RORC: variants seen among roughly 807,000 people sequenced by gnomAD.
RORC encodes nuclear receptor ROR-gamma.
Under a neutral mutation model 64.5 loss-of-function variants are expected in RORC, and 13 were observed. That is an observed-to-expected ratio of 0.20 (90% CI 0.13 to 0.32). The LOEUF (loss-of-function observed/expected upper bound fraction) is 0.32, where lower values mean the gene tolerates loss of function less well. Ranked by LOEUF, RORC falls within the 10% of genes least tolerant of loss-of-function variation. The probability of loss-of-function intolerance (pLI) is 1.00; values close to 1 mark genes in which losing one functional copy is unlikely to be tolerated. For synonymous variants in RORC, 277 were observed against 259.3 expected (o/e 1.07, Z -0.65); for missense variants, 468 against 669.5 (o/e 0.70, Z 3.32).
chr1:151,811,397 C>G lies in RORC; in HGVS notation c.1323G>C (p.Gln441His). 6.2e-7 allele frequency: 1 copy of G among 1,614,016 alleles called. No individual in the cohort carries two copies. The highest frequency in any genetic ancestry group is 1.3e-5 in the African/African-American group (1 of 75,048). The change falls in exon 10 of 11, where the codon CAG becomes CAC. Residue 441 changes from glutamine (Q) to histidine (H), a missense_variant. Physicochemically the swap from Gln to His is conservative, Grantham distance 24. Coordinates refer to ENST00000318247, the MANE Select transcript of RORC (RefSeq NM_005060.4). ...PGLQEKRKVE[Q>H]LQYNLELAFH... is the part of the protein sequence containing the mutation. ...AGGCCAGCTCCAGATTGTACTGCAG[C>G]TGTTCTACTTTCCTTTTCTCTTGGA...
At chr1:151,814,467 G>T in intron 6 of RORC, 107 bp downstream of exon 6, 11 of 1,235,880 alleles carry the variant, frequency 8.9e-6, no homozygotes, top group Non-Finnish European at 1.1e-5. Flanking sequence ...GCCTGTGTCT[G>T]TGATGTCCCG....
intron 10 of RORC, among the ~76,000 whole-genome samples, chr1:151,810,583 G>A (rs1274401023): frequency 2.0e-5 from 3 of 149,762 alleles, no homozygotes; most frequent in African/African-American, 7.4e-5. Flanking sequence ...CCAGGCTGGA[G>A]TGCAATGGCA....
At chr1:151,829,195 T>C (rs1652312635) in intron 2 of RORC, among the ~76,000 whole-genome samples, 1 of 150,792 alleles carries the variant, frequency 6.6e-6, no homozygotes, top group South Asian at 2.1e-4. Flanking sequence ...TTTTCCTTTG[T>C]TCTCTCCTGG....
intron 10 of RORC, among the ~76,000 whole-genome samples, chr1:151,811,110 TCCC>T (rs1651505415): frequency 6.6e-6 from 1 of 151,974 alleles, no homozygotes; most frequent in African/African-American, 2.4e-5. Context: ...TCCCTGGAGG[TCCC>T]TCCCAATCCC....
chr1:151,831,566 T>A, intron 1 of RORC, 159 bp downstream of exon 1: 1 of 818,080 alleles, frequency 1.2e-6, no homozygotes, highest in Non-Finnish European at 1.5e-6. Flanking sequence ...TCCTCCTGTT[T>A]CTCCTCCAGT....
At chr1:151,813,858 GTA>G in intron 6 of RORC, 1 of 519,370 alleles carries the variant, frequency 1.9e-6, no homozygotes, top group Non-Finnish European at 3.5e-6. Flanking sequence ...AATCCAAAAA[GTA>G]TGAGATACAG....
rs533315081 is a variant in RORC at position 151,828,772 on chromosome 1, A to C, written c.70+657T>G. 3.3e-5 allele frequency among the ~76,000 whole-genome samples: 5 copies of C among 152,234 alleles called. No homozygotes were observed. In the South Asian group the frequency reaches 1.0e-3, roughly 32 times the overall value. ...GAGAGGGGTGGATCACAAGGTCAAGAGTCTGAGACCAGCCTGACCAACATG... is the reference window on the plus strand; with the variant it reads ...GAGAGGGGTGGATCACAAGGTCAAGCGTCTGAGACCAGCCTGACCAACATG... On this transcript the variant is annotated intron_variant, in intron 2 of 10. Coordinates refer to ENST00000318247, the MANE Select transcript of RORC (RefSeq NM_005060.4).
intron 5 of RORC, 42 bp downstream of exon 5, chr1:151,814,871 T>G: frequency 6.3e-7 from 1 of 1,588,562 alleles, no homozygotes; most frequent in South Asian, 1.2e-5. Context: ...TGGAAACCCC[T>G]CCCTCATCTC....
In RORC at chr1:151,830,659, C is replaced by CACACACACACACACAA; in HGVS notation, c.40+1065_40+1066insTTGTGTGTGTGTGTGT. On this transcript the variant is annotated intron_variant, in intron 1 of 10. Transcript: ENST00000318247. This position sits in a 1 kb window ranked among gnomAD's most constrained non-coding sequence, Gnocchi z 4.0. ...ACACACACACACACACACACACACA[C>CACACACACACACACAA]ACAGTGCCCTTCTGCCCGGGAGATG... Among the ~76,000 whole-genome samples, 2 of 139,156 alleles carry CACACACACACACACAA rather than the reference C, an allele frequency of 1.4e-5. No individual in the cohort carries two copies. Among genetic ancestry groups the CACACACACACACACAA allele is most frequent in the South Asian group, 2.4e-4 (1 of 4,218 alleles). 91.3% of individuals were successfully genotyped at this position (139,156 alleles called of 152,430 possible).
At position 151,830,752 on chromosome 1, in the gene RORC, T is replaced by C. The variant is rs1652379337; in HGVS notation, c.40+973A>G. ...AGTGGCCTGATGGCCTGGGCTCTGC[T>C]GGGGTGAGGGAGGAGAAAAGACTGC... On this transcript the variant is annotated intron_variant, in intron 1 of 10. Transcript: ENST00000318247. The surrounding 1 kb of genome is among the most constrained non-coding windows in gnomAD (Gnocchi z 4.0). Among the ~76,000 whole-genome samples the C allele has an allele frequency of 6.6e-6, 1 of 152,044 alleles. No individual in the cohort carries two copies. The highest frequency in any genetic ancestry group is 2.4e-5 in the African/African-American group (1 of 41,406).
In RORC at chr1:151,814,593, A is replaced by G; in HGVS notation, c.914T>C (p.Val305Ala). Residue 305 changes from valine to alanine, a missense_variant, in exon 6 of 11, where the codon GTG becomes GCG. This residue lies in a region of RORC where 100 missense variants were observed against 190.8 expected (regional missense o/e 0.52). Coordinates refer to ENST00000318247, the MANE Select transcript of RORC (RefSeq NM_005060.4). ...CCTCACCTTCCTCTGGTAGCCAGTC[A>G]CTTCCTCCCGGGAGAAGATGTTGGA... Reference protein sequence around the residue: ...QRSNIFSREEVTGYQRKSMWE... With the variant: ...QRSNIFSREEATGYQRKSMWE... The G allele has an allele frequency of 6.2e-7, 1 of 1,612,462 alleles. No individual in the cohort carries two copies.
In RORC at chr1:151,830,621, T is replaced by TACAC. The variant is rs1553293049; in HGVS notation, c.40+1100_40+1103dup. The stretch of plus-strand genomic sequence containing the variant: ...TGCTGTTCAGTCTTGACACCTGACA[T>TACAC]ACACACACACACACACACACACACA... On this transcript the variant is annotated intron_variant, in intron 1 of 10. Coordinates refer to ENST00000318247, the MANE Select transcript of RORC (RefSeq NM_005060.4). The surrounding 1 kb of genome is among the most constrained non-coding windows in gnomAD (Gnocchi z 4.0). Among the ~76,000 whole-genome samples, 1,691 of 57,150 alleles carry TACAC rather than the reference T, an allele frequency of 0.03. 47 individuals carry two copies. Among genetic ancestry groups the TACAC allele is most frequent in the African/African-American group, 0.065 (1,542 of 23,592 alleles). The allele number at this position is 57,150 out of a possible 152,430, so 37.5% of individuals were successfully genotyped here.
At chr1:151,828,475 A>G (rs932312029) in intron 2 of RORC, among the ~76,000 whole-genome samples, 3 of 152,160 alleles carry the variant, frequency 2.0e-5, no homozygotes, top group Admixed American at 1.3e-4. Flanking sequence ...ACTAGCGTCC[A>G]CTGGGAAGTC....
intron 2 of RORC, among the ~76,000 whole-genome samples, chr1:151,828,639 G>A (rs1476794711): frequency 6.6e-6 from 1 of 152,128 alleles, no homozygotes; most frequent in African/African-American, 2.4e-5. Context: ...TCACACCTCA[G>A]GATGTGTTAA....
In RORC at chr1:151,825,516, GAGGGAAACACCGTAACA is replaced by G. The variant is rs1353891472; in HGVS notation, c.70+3896_70+3912del. On this transcript the variant is annotated intron_variant, in intron 2 of 10. Transcript: ENST00000318247. ...TACTCACAAGCAGGCTGGAGGCACA[GAGGGAAACACCGTAACA>G]AGGGAAACACTGTAACAGGAGAGTG... Among the ~76,000 whole-genome samples, 770 of 152,246 alleles carry G rather than the reference GAGGGAAACACCGTAACA, an allele frequency of 5.1e-3. 2 individuals carry two copies. The highest frequency in any genetic ancestry group is 0.015 in the South Asian group (70 of 4,824).
intron 2 of RORC, among the ~76,000 whole-genome samples, chr1:151,826,376 C>T (rs1489319291): frequency 6.6e-6 from 1 of 152,204 alleles, no homozygotes; most frequent in Non-Finnish European, 1.5e-5. Flanking sequence ...TCTACTCCTC[C>T]TACCCCCGAG....
chr1:151,808,044 A>G (rs1465058989), intron 10 of RORC, among the ~76,000 whole-genome samples: 1 of 152,024 alleles, frequency 6.6e-6, no homozygotes. Flanking sequence ...CTCTCCTAAG[A>G]CTATTTCCCT....
chr1:151,817,203 C>T lies in RORC; in HGVS notation c.148G>A (p.Gly50Arg). 1 of 1,613,440 alleles carries T rather than the reference C, an allele frequency of 6.2e-7. No individual in the cohort carries two copies. Among genetic ancestry groups the T allele is most frequent in the African/African-American group, 1.3e-5 (1 of 75,058 alleles). The change falls in exon 3 of 11, where the codon GGG becomes AGG. Residue 50 changes from glycine to arginine, a missense_variant. By Grantham distance (125) the Gly-to-Arg change is moderately radical (BLOSUM62 -2). This residue lies in a region of RORC where 13 missense variants were observed against 46.0 expected (regional missense o/e 0.28). Coordinates refer to ENST00000318247, the MANE Select transcript of RORC (RefSeq NM_005060.4). ...GIHYGVITCEGCKGFFRRSQR... is the reference protein window; with the variant it reads ...GIHYGVITCERCKGFFRRSQR... The stretch of plus-strand genomic sequence containing the variant: ...ACATGCCTATGACTCACCTTGCACC[C>T]CTCACAGGTGATAACCCCGTAGTGG...
intron 2 of RORC, chr1:151,825,807 C>T: frequency 8.3e-7 from 1 of 1,201,764 alleles, no homozygotes; most frequent in Non-Finnish European, 1.2e-6. Context: ...AGATCTTGAC[C>T]TTGACCAGGA....
Sources: allele counts gnomAD v4.1 joint callset (sites outside exome capture counted in the v4.1 genomes callset), GRCh38; gene constraint gnomAD v4.1.1; regional missense constraint gnomAD v4.1.1; non-coding constraint Gnocchi (gnomAD v3.1); transcripts MANE v1.5; gene names NCBI Gene and HGNC (gene_info 2026-07-23, HGNC 2026-07-21).